Variants in TTC27 observed in about 807,000 individuals in gnomAD.
TTC27 encodes the protein tetratricopeptide repeat protein 27.
TTC27 carries 79 observed loss-of-function variants against 115.9 expected under a neutral mutation model. The ratio of observed to expected loss-of-function variants is 0.68; its 90% CI spans 0.57 to 0.82. The LOEUF (loss-of-function observed/expected upper bound fraction) is 0.82. Ranked by LOEUF, TTC27 falls within the 40% of genes least tolerant of loss-of-function variation. The pLI is 0.00. For missense variants in TTC27, 1,054 were observed against 993.1 expected (o/e 1.06, Z -0.82); for synonymous variants, 401 against 356.0 (o/e 1.13, Z -1.42).
chr2:32,630,265 A>T (rs905278968), intron 1 of TTC27, among the ~76,000 whole-genome samples: 6 of 152,202 alleles, frequency 3.9e-5, no homozygotes, highest in Non-Finnish European at 7.3e-5. Flanking sequence ...AATACCTATT[A>T]ATGAGGAATA....
At chr2:32,649,730 G>A (rs553240091) in intron 4 of TTC27, among the ~76,000 whole-genome samples, 2 of 151,954 alleles carry the variant, frequency 1.3e-5, no homozygotes, top group Non-Finnish European at 2.9e-5. Flanking sequence ...ATTTTTAATA[G>A]AGGCAGGGTT....
chr2:32,784,820 T>A (rs1323300573), intron 15 of TTC27, among the ~76,000 whole-genome samples: 1 of 152,128 alleles, frequency 6.6e-6, no homozygotes, highest in Non-Finnish European at 1.5e-5. Context: ...CCCCTGTGGA[T>A]GGGAGAGCTG....
At chr2:32,754,592 C>T (rs1349106981) in intron 12 of TTC27, among the ~76,000 whole-genome samples, 2 of 150,000 alleles carry the variant, frequency 1.3e-5, no homozygotes, top group Non-Finnish European at 3.0e-5. Context: ...CTTTTCCCCA[C>T]CTTTCCCCCT....
At chr2:32,710,482 G>A (rs931978480) in intron 10 of TTC27, among the ~76,000 whole-genome samples, 1 of 145,082 alleles carries the variant, frequency 6.9e-6, no homozygotes, top group African/African-American at 2.6e-5. Flanking sequence ...AGGCTAGAGT[G>A]CAGTGGCGTG....
At chr2:32,690,161 A>C (rs1453110405) in intron 9 of TTC27, among the ~76,000 whole-genome samples, 2 of 152,186 alleles carry the variant, frequency 1.3e-5, no homozygotes, top group Non-Finnish European at 2.9e-5. Flanking sequence ...TTGTTATAGA[A>C]CATTTTGCTT....
intron 10 of TTC27, among the ~76,000 whole-genome samples, chr2:32,715,718 T>C (rs1667730708): frequency 6.6e-6 from 1 of 152,192 alleles, no homozygotes; most frequent in South Asian, 2.1e-4. Context: ...TCATGACCTA[T>C]CTCATTAATT....
At chr2:32,764,706 T>C (rs1219897570) in intron 13 of TTC27, among the ~76,000 whole-genome samples, 2 of 152,260 alleles carry the variant, frequency 1.3e-5, no homozygotes, top group African/African-American at 4.8e-5. Context: ...TCTTTCAAAA[T>C]TGGAGTCAGT....
chr2:32,670,895 A>G (rs188443674), intron 7 of TTC27, among the ~76,000 whole-genome samples: 8 of 149,974 alleles, frequency 5.3e-5, no homozygotes, highest in Admixed American at 4.7e-4. Flanking sequence ...CTGGTATTAC[A>G]GGCGTGAGCC....
intron 12 of TTC27, among the ~76,000 whole-genome samples, chr2:32,749,146 C>A (rs964568932): frequency 2.0e-5 from 3 of 152,114 alleles, no homozygotes; most frequent in Non-Finnish European, 4.4e-5. Flanking sequence ...CATTTGTTTG[C>A]CCCAACTGTT....
intron 9 of TTC27, among the ~76,000 whole-genome samples, chr2:32,690,193 T>A (rs1666764513): frequency 1.3e-5 from 2 of 152,126 alleles, no homozygotes; most frequent in South Asian, 4.1e-4. Context: ...AATGCAGAGG[T>A]TTTTCTTTTT....
intron 12 of TTC27, among the ~76,000 whole-genome samples, chr2:32,743,678 G>A (rs927130921): frequency 2.6e-4 from 39 of 152,144 alleles, no homozygotes; most frequent in African/African-American, 9.2e-4. Context: ...CAGGCCATCA[G>A]TTTTGCTTCT....
intron 4 of TTC27, among the ~76,000 whole-genome samples, chr2:32,648,707 C>T (rs72787535): frequency 0.02 from 3,016 of 152,130 alleles, 52 homozygotes; most frequent in Non-Finnish European, 0.033. Flanking sequence ...TTAGTCAAGA[C>T]AATGTCTAAA....
intron 9 of TTC27, among the ~76,000 whole-genome samples, chr2:32,683,991 T>TAA (rs933427032): frequency 1.3e-5 from 2 of 150,476 alleles, no homozygotes; most frequent in Non-Finnish European, 3.0e-5. Flanking sequence ...CTGTCTCTGC[T>TAA]AAAAAAAAAT....
chr2:32,806,729 C>T (rs971015430), intron 16 of TTC27, among the ~76,000 whole-genome samples: 3 of 151,868 alleles, frequency 2.0e-5, no homozygotes, highest in African/African-American at 7.3e-5. Flanking sequence ...TGCAGTGAGC[C>T]AAGATCGCGC....
At chr2:32,786,498 A>G (rs1190705369) in intron 15 of TTC27, among the ~76,000 whole-genome samples, 21 of 152,126 alleles carry the variant, frequency 1.4e-4, no homozygotes, top group Non-Finnish European at 2.9e-5. Flanking sequence ...TGTTGACTGA[A>G]GGTTTTTTTC....
In TTC27 at chr2:32,811,161, G is replaced by A; in HGVS notation, c.2136G>A (p.Trp712Ter). ...TSRVTNDGEI[W>*]RLYAHVYGNG... ...GAGTGACAAATGATGGAGAAATCTGGAGGCTGTATGCCCACGTATATGGAA... is the reference window on the plus strand; with the variant it reads ...GAGTGACAAATGATGGAGAAATCTGAAGGCTGTATGCCCACGTATATGGAA... The change falls in exon 17 of 20, where the codon TGG becomes TGA. Residue 712 changes from tryptophan to a stop codon, truncating the protein, a stop_gained. Transcript: ENST00000317907. LOFTEE classifies it high-confidence loss of function. 1 of 1,614,162 alleles carries A rather than the reference G, an allele frequency of 6.2e-7. No homozygotes were observed. The highest frequency in any genetic ancestry group is 8.5e-7 in the Non-Finnish European group (1 of 1,180,026).
intron 16 of TTC27, among the ~76,000 whole-genome samples, chr2:32,792,638 G>A (rs1670574305): frequency 6.6e-6 from 1 of 152,136 alleles, no homozygotes; most frequent in East Asian, 1.9e-4. Flanking sequence ...GGAGCAGGGA[G>A]CTAGCCAAGC....
rs1316193639 is a variant in TTC27 at position 32,811,167 on chromosome 2, G to C, written c.2142G>C (p.Leu714=). The change falls in exon 17 of 20, where the codon CTG becomes CTC. Residue 714 remains leucine (L), a synonymous_variant. Transcript: ENST00000317907. ...CAAATGATGGAGAAATCTGGAGGCTGTATGCCCACGTATATGGAAATGGGC... is the reference window on the plus strand; with the variant it reads ...CAAATGATGGAGAAATCTGGAGGCTCTATGCCCACGTATATGGAAATGGGC... The part of the protein sequence containing the change: ...RVTNDGEIWR[L]YAHVYGNGQS... 6.2e-7 allele frequency: 1 copy of C among 1,614,170 alleles called. No individual in the cohort carries two copies. The highest frequency in any genetic ancestry group is 8.5e-7 in the Non-Finnish European group (1 of 1,180,034).
chr2:32,752,723 G>T (rs761801977), intron 12 of TTC27, among the ~76,000 whole-genome samples: 2 of 152,088 alleles, frequency 1.3e-5, no homozygotes, highest in South Asian at 2.1e-4. Context: ...GCAAAGTAGC[G>T]CTAGTCTTAT....
Sources: gnomAD v4.1 joint callset for allele counts (sites outside exome capture counted in the v4.1 genomes callset) on GRCh38, gnomAD v4.1.1 for gene constraint, MANE v1.5 for transcripts, NCBI Gene and HGNC (gene_info 2026-07-23, HGNC 2026-07-21) for gene names.